SCD5: variants seen among roughly 807,000 people sequenced by gnomAD.
The protein encoded by SCD5 is acyl-CoA-desaturase 4.
Under a neutral mutation model 30.4 loss-of-function variants are expected in SCD5, and 20 were observed. The observed-to-expected ratio is 0.66, with a 90% CI of 0.46 to 0.96. SCD5 has a LOEUF of 0.96. Among genes scored for constraint, SCD5 ranks in the 40% least tolerant of loss-of-function variants. The pLI, the probability that SCD5 is intolerant of heterozygous loss-of-function variation, is 0.00. For synonymous variants in SCD5, 173 were observed against 176.4 expected (o/e 0.98, Z 0.16); for missense variants, 381 against 443.3 (o/e 0.86, Z 1.26).
chr4:82,777,681 G>A (rs1721772929), intron 1 of SCD5, among the ~76,000 whole-genome samples: 1 of 152,088 alleles, frequency 6.6e-6, no homozygotes, highest in East Asian at 1.9e-4. Context: ...TTATGTAGCT[G>A]GTCCTGCTTC....
intron 1 of SCD5, among the ~76,000 whole-genome samples, chr4:82,783,354 A>G (rs1370758697): frequency 2.0e-5 from 3 of 152,210 alleles, no homozygotes; most frequent in African/African-American, 7.2e-5. Context: ...TACAGATACA[A>G]TTGCCTGGAA....
At chr4:82,794,748 C>T (rs1232072426) in intron 1 of SCD5, among the ~76,000 whole-genome samples, 1 of 151,480 alleles carries the variant, frequency 6.6e-6, no homozygotes, top group African/African-American at 2.4e-5. Flanking sequence ...CTCCCAGGTT[C>T]ACGCCATTCT....
intron 1 of SCD5, among the ~76,000 whole-genome samples, chr4:82,742,751 C>T (rs910643898): frequency 6.6e-6 from 1 of 152,322 alleles, no homozygotes; most frequent in South Asian, 2.1e-4. Context: ...TGTGCCACTG[C>T]ACTCCAGTGA....
chr4:82,757,804 C>T (rs564220484), intron 1 of SCD5, among the ~76,000 whole-genome samples: 1 of 152,324 alleles, frequency 6.6e-6, no homozygotes, highest in South Asian at 2.1e-4. Flanking sequence ...CTGGAACATC[C>T]TAAGCCCTAT....
At chr4:82,795,559 G>A (rs888498918) in intron 1 of SCD5, among the ~76,000 whole-genome samples, 1 of 152,152 alleles carries the variant, frequency 6.6e-6, no homozygotes, top group Non-Finnish European at 1.5e-5. Context: ...ACTGGGTACA[G>A]TGGCTCACGC....
chr4:82,724,365 C>T (rs887693153), intron 1 of SCD5, among the ~76,000 whole-genome samples: 2 of 152,140 alleles, frequency 1.3e-5, no homozygotes, highest in African/African-American at 4.8e-5. Flanking sequence ...ACCTGTAATC[C>T]CAGCAATTTG....
intron 2 of SCD5, among the ~76,000 whole-genome samples, chr4:82,695,646 C>G (rs573153478): frequency 2.0e-5 from 3 of 152,318 alleles, no homozygotes; most frequent in African/African-American, 7.2e-5. Context: ...TAAGAGATGT[C>G]ACATGGGTAA....
chr4:82,752,800 A>C (rs535008826), intron 1 of SCD5, among the ~76,000 whole-genome samples: 1 of 152,178 alleles, frequency 6.6e-6, no homozygotes, highest in Non-Finnish European at 1.5e-5. Flanking sequence ...TTTCCCCCTA[A>C]ATAAACTTAC....
At chr4:82,662,556 T>C (rs1446496701) in intron 3 of SCD5, among the ~76,000 whole-genome samples, 2 of 150,738 alleles carry the variant, frequency 1.3e-5, no homozygotes, top group African/African-American at 4.9e-5. Flanking sequence ...ATTATTATAA[T>C]GGTTAAAAAA....
At chr4:82,676,081 A>G (rs2148820147) in intron 3 of SCD5, among the ~76,000 whole-genome samples, 1 of 152,254 alleles carries the variant, frequency 6.6e-6, no homozygotes, top group East Asian at 1.9e-4. Flanking sequence ...CGACCGACTC[A>G]ACTCAGCAAT....
intron 2 of SCD5, among the ~76,000 whole-genome samples, chr4:82,692,771 A>T (rs1719582763): frequency 6.6e-6 from 1 of 152,186 alleles, no homozygotes; most frequent in Non-Finnish European, 1.5e-5. Context: ...ATGTGTTCAT[A>T]AACACACCAG....
chr4:82,726,453 T>A (rs1720472419), intron 1 of SCD5, among the ~76,000 whole-genome samples: 1 of 151,164 alleles, frequency 6.6e-6, no homozygotes, highest in Admixed American at 6.6e-5. Context: ...CTTGGATTTT[T>A]ACAGCAAGGT....
intron 1 of SCD5, among the ~76,000 whole-genome samples, chr4:82,776,742 A>G (rs1721752599): frequency 6.6e-6 from 1 of 152,212 alleles, no homozygotes; most frequent in South Asian, 2.1e-4. Flanking sequence ...TCCATAAAGT[A>G]TGGAGAAAGG....
At chr4:82,753,045 C>T (rs1721139613) in intron 1 of SCD5, among the ~76,000 whole-genome samples, 1 of 152,114 alleles carries the variant, frequency 6.6e-6, no homozygotes, top group South Asian at 2.1e-4. Context: ...TCTGGGGACC[C>T]ACACCATCAG....
intron 3 of SCD5, chr4:82,661,121 T>G: frequency 6.3e-7 from 1 of 1,583,908 alleles, no homozygotes; most frequent in Non-Finnish European, 8.6e-7. Flanking sequence ...CACCCAGGTT[T>G]GTTCAGCAAG....
In SCD5 at chr4:82,798,705, C is replaced by G; in HGVS notation, c.-168G>C. 1 of 624,278 alleles carries G rather than the reference C, an allele frequency of 1.6e-6. No homozygotes were observed. Among genetic ancestry groups the G allele is most frequent in the Non-Finnish European group, 2.7e-6 (1 of 370,094 alleles). The allele number at this position is 624,278 out of a possible 1,614,324, so 38.7% of individuals were successfully genotyped here. ...GGGCTCCTGCGCTCTTCCCCAGGGT[C>G]TTAGCGTGGCCTAGGGATGCAGATC... On this transcript the variant is annotated 5_prime_UTR_variant, in exon 1 of 5. Transcript: ENST00000319540.
At chr4:82,671,993 A>G (rs774095397) in intron 3 of SCD5, among the ~76,000 whole-genome samples, 2 of 152,236 alleles carry the variant, frequency 1.3e-5, no homozygotes, top group Non-Finnish European at 2.9e-5. Flanking sequence ...ACATTTAAGA[A>G]TATTTTAAAC....
chr4:82,721,185 CA>C (rs957199946), intron 1 of SCD5, among the ~76,000 whole-genome samples: 1 of 151,994 alleles, frequency 6.6e-6, no homozygotes, highest in Non-Finnish European at 1.5e-5. Flanking sequence ...AACAAACAAA[CA>C]AACAAACAAA....
At chr4:82,666,933 T>C (rs17006081) in intron 3 of SCD5, among the ~76,000 whole-genome samples, 3,658 of 152,272 alleles carry the variant, frequency 0.024, 72 homozygotes, top group South Asian at 0.098. Flanking sequence ...AGGTACATAG[T>C]AAGCAGTTAA....
Sources: gnomAD v4.1 joint callset for allele counts (sites outside exome capture counted in the v4.1 genomes callset) on GRCh38, gnomAD v4.1.1 for gene constraint, MANE v1.5 for transcripts, NCBI Gene and HGNC (gene_info 2026-07-23, HGNC 2026-07-21) for gene names.